Variants in SLC16A10 observed in about 807,000 individuals in gnomAD.
SLC16A10 encodes the protein monocarboxylate transporter 10.
A neutral mutation model predicts 40.0 loss-of-function variants in SLC16A10; 27 were observed. The observed-to-expected ratio is 0.67, with a 90% confidence interval of 0.50 to 0.93. The LOEUF (loss-of-function observed/expected upper bound fraction) is 0.93. Ranked by LOEUF, SLC16A10 falls within the 40% of genes least tolerant of loss-of-function variation. The pLI is 0.00. For synonymous variants in SLC16A10, 213 were observed against 249.8 expected (o/e 0.85, Z 1.39); for missense variants, 529 against 658.2 (o/e 0.80, Z 2.15).
chr6:111,115,649 C>G (rs1054476434), intron 1 of SLC16A10, among the ~76,000 whole-genome samples: 2 of 152,194 alleles, frequency 1.3e-5, no homozygotes, highest in African/African-American at 4.8e-5. Flanking sequence ...CTTATTCTTT[C>G]TTTCTCAGGC....
chr6:111,199,827 T>TAAA (rs35253168), intron 3 of SLC16A10, among the ~76,000 whole-genome samples: 15,191 of 148,830 alleles, frequency 0.1, 919 homozygotes, highest in Non-Finnish European at 0.14. Context: ...CAGGGAAATT[T>TAAA]AAAAAAAAAA....
At chr6:111,115,881 C>T (rs1331909908) in intron 1 of SLC16A10, among the ~76,000 whole-genome samples, 1 of 151,940 alleles carries the variant, frequency 6.6e-6, no homozygotes, top group Non-Finnish European at 1.5e-5. Context: ...GTAGTGTTTG[C>T]TTATTCCTCA....
intron 1 of SLC16A10, among the ~76,000 whole-genome samples, chr6:111,139,483 G>A (rs1001525194): frequency 1.3e-5 from 2 of 152,020 alleles, no homozygotes; most frequent in Non-Finnish European, 2.9e-5. Flanking sequence ...TTTATTTTTA[G>A]TAGAGACTGG....
At chr6:111,136,865 A>G (rs1771889051) in intron 1 of SLC16A10, among the ~76,000 whole-genome samples, 1 of 152,220 alleles carries the variant, frequency 6.6e-6, no homozygotes, top group Non-Finnish European at 1.5e-5. Flanking sequence ...AGGAGAAGGA[A>G]AAAGGGCAAA....
At chr6:111,191,419 C>T (rs433703) in intron 3 of SLC16A10, among the ~76,000 whole-genome samples, 116,942 of 152,088 alleles carry the variant, frequency 0.77, 45,743 homozygotes, top group Non-Finnish European at 0.85. Flanking sequence ...CAGTCTATCA[C>T]TGATGGGCAT....
At chr6:111,187,008 T>C (rs1772910145) in intron 3 of SLC16A10, among the ~76,000 whole-genome samples, 1 of 152,180 alleles carries the variant, frequency 6.6e-6, no homozygotes. Context: ...GATGCTTTTT[T>C]GAAGTAAAAT....
intron 4 of SLC16A10, 120 bp from the exon 5 acceptor site, chr6:111,218,694 G>A: frequency 1.3e-6 from 1 of 760,208 alleles, no homozygotes; most frequent in Middle Eastern, 3.8e-4. Flanking sequence ...CAAAGTGAAT[G>A]AGGCAGTGGC....
At chr6:111,157,520 G>C (rs1369468926) in intron 1 of SLC16A10, among the ~76,000 whole-genome samples, 1 of 152,062 alleles carries the variant, frequency 6.6e-6, no homozygotes, top group Non-Finnish European at 1.5e-5. Flanking sequence ...CTGACCTCGT[G>C]ATCCGCCTAC....
intron 4 of SLC16A10, among the ~76,000 whole-genome samples, chr6:111,213,692 C>T (rs1433703502): frequency 6.6e-6 from 1 of 152,216 alleles, no homozygotes; most frequent in African/African-American, 2.4e-5. Context: ...CATGTTTCTC[C>T]ATCAGGCAGA....
chr6:111,090,956 A>G (rs1255958131), intron 1 of SLC16A10, among the ~76,000 whole-genome samples: 1 of 152,174 alleles, frequency 6.6e-6, no homozygotes. Flanking sequence ...AAGGATATAC[A>G]GGGAGGTGGT....
At chr6:111,141,611 G>A (rs1771983958) in intron 1 of SLC16A10, among the ~76,000 whole-genome samples, 3 of 151,514 alleles carry the variant, frequency 2.0e-5, no homozygotes, top group Admixed American at 1.3e-4. Context: ...GTGATGAGCC[G>A]AGATCACACC....
intron 3 of SLC16A10, among the ~76,000 whole-genome samples, chr6:111,181,532 G>A (rs959764408): frequency 3.9e-5 from 6 of 152,224 alleles, no homozygotes; most frequent in Non-Finnish European, 7.3e-5. Context: ...TAGCATTGGA[G>A]TTGGGCCTTG....
At chr6:111,195,590 A>G (rs1366307810) in intron 3 of SLC16A10, among the ~76,000 whole-genome samples, 7 of 152,254 alleles carry the variant, frequency 4.6e-5, no homozygotes, top group Admixed American at 4.6e-4. Context: ...TAGTCCCCAC[A>G]AATTTCCAAA....
chr6:111,139,914 CCAGCAT>C (rs1315379642), intron 1 of SLC16A10, among the ~76,000 whole-genome samples: 1 of 152,078 alleles, frequency 6.6e-6, no homozygotes, highest in African/African-American at 2.4e-5. Context: ...TACAACCTCG[CCAGCAT>C]CTGTTACTTT....
chr6:111,153,153 T>G (rs143999410), intron 1 of SLC16A10, among the ~76,000 whole-genome samples: 1 of 152,256 alleles, frequency 6.6e-6, no homozygotes, highest in East Asian at 1.9e-4. Flanking sequence ...TTAAATAGCT[T>G]TTTTGCGTCC....
chr6:111,109,977 A>G (rs1202049806), intron 1 of SLC16A10, among the ~76,000 whole-genome samples: 2 of 152,086 alleles, frequency 1.3e-5, no homozygotes, highest in African/African-American at 4.8e-5. Context: ...TTTGAAATTA[A>G]AAAAATTGTG....
At chr6:111,093,627 G>T (rs1350525748) in intron 1 of SLC16A10, among the ~76,000 whole-genome samples, 2 of 152,126 alleles carry the variant, frequency 1.3e-5, no homozygotes, top group Non-Finnish European at 2.9e-5. Context: ...ATTTTGTTTT[G>T]TTTAGTAGGA....
At chr6:111,196,804 GATTA>G (rs1260775997) in intron 3 of SLC16A10, among the ~76,000 whole-genome samples, 5 of 152,262 alleles carry the variant, frequency 3.3e-5, no homozygotes, top group South Asian at 2.1e-4. Context: ...GTAATCTAGA[GATTA>G]ATTAAAGTAT....
At chr6:111,092,359 G>A (rs912927453) in intron 1 of SLC16A10, among the ~76,000 whole-genome samples, 2 of 125,700 alleles carry the variant, frequency 1.6e-5, no homozygotes, top group Admixed American at 2.0e-4. Flanking sequence ...TCACTCTGTC[G>A]CCCAGGCTGG....
Sources: gnomAD v4.1 joint callset for allele counts (sites outside exome capture counted in the v4.1 genomes callset) on GRCh38, gnomAD v4.1.1 for gene constraint, MANE v1.5 for transcripts, NCBI Gene and HGNC (gene_info 2026-07-23, HGNC 2026-07-21) for gene names.